Variants in EYS observed in about 807,000 individuals in gnomAD.
EYS encodes the protein EGF-like photoreceptor maintenance factor.
In EYS, 250 loss-of-function variants were observed where a neutral mutation model predicts 282.1. That is an observed-to-expected ratio of 0.89 (90% CI 0.80 to 0.98). The LOEUF (loss-of-function observed/expected upper bound fraction) is 0.98. Among genes scored for constraint, EYS ranks in the 50% least tolerant of loss-of-function variants. The probability of loss-of-function intolerance (pLI) is 0.00; values close to 1 mark genes in which losing one functional copy is unlikely to be tolerated. For missense variants in EYS, 4,016 were observed against 3,709.0 expected (o/e 1.08, Z -2.15); for synonymous variants, 1,355 against 1,282.9 (o/e 1.06, Z -1.20).
Position 63,864,342 on chromosome 6 carries a change from A to C in EYS, c.7072T>G (p.Phe2358Val), listed in dbSNP as rs994777812. Reference protein sequence around the residue: ...GTCISDNENLFCECPRLYSGK... With the variant: ...GTCISDNENLVCECPRLYSGK... ...GAATACAGCCTTGGACACTCACAAA[A>C]CAGATTTTCATTATCACTGAGAAGG... is the stretch of plus-strand genomic sequence containing the variant. Residue 2358 changes from phenylalanine (F) to valine (V), a missense_variant, in exon 36 of 43, where the codon TTT becomes GTT. Transcript: ENST00000503581. 4 of 1,549,702 alleles carry C rather than the reference A, an allele frequency of 2.6e-6. No homozygotes were observed. In the African/African-American group the frequency reaches 5.5e-5, roughly 21 times the overall value.
chr6:65,227,655 A>G (rs142338847), intron 12 of EYS, among the ~76,000 whole-genome samples: 1 of 152,276 alleles, frequency 6.6e-6, no homozygotes, highest in East Asian at 1.9e-4. Flanking sequence ...ATAATAGACA[A>G]AAGCTTAAAT....
At chr6:65,127,415 C>A (rs1487619314) in intron 12 of EYS, among the ~76,000 whole-genome samples, 1 of 152,060 alleles carries the variant, frequency 6.6e-6, no homozygotes, top group Non-Finnish European at 1.5e-5. Flanking sequence ...AAACAACTAG[C>A]CTGCAAAGCA....
chr6:65,060,124 A>C (rs1561945436), intron 12 of EYS, among the ~76,000 whole-genome samples: 1 of 151,906 alleles, frequency 6.6e-6, no homozygotes, highest in East Asian at 1.9e-4. Context: ...TCCACCCCTC[A>C]TCCGTATTTC....
At chr6:64,909,049 T>TA (rs1381412147) in intron 16 of EYS, among the ~76,000 whole-genome samples, 1 of 152,150 alleles carries the variant, frequency 6.6e-6, no homozygotes, top group Non-Finnish European at 1.5e-5. Flanking sequence ...CTCCTGTCAC[T>TA]ATCAAAAGCT....
intron 22 of EYS, among the ~76,000 whole-genome samples, chr6:64,651,014 C>G (rs1288113328): frequency 6.6e-6 from 1 of 151,916 alleles, no homozygotes; most frequent in Non-Finnish European, 1.5e-5. Context: ...TATGATTTAC[C>G]TATATTATGA....
At chr6:63,777,377 T>C (rs1770091626) in intron 40 of EYS, among the ~76,000 whole-genome samples, 1 of 152,160 alleles carries the variant, frequency 6.6e-6, no homozygotes, top group Non-Finnish European at 1.5e-5. Flanking sequence ...CAAATCTCTC[T>C]TTAGCTGTCT....
At chr6:65,597,992 C>T (rs562796390) in intron 2 of EYS, among the ~76,000 whole-genome samples, 2 of 151,990 alleles carry the variant, frequency 1.3e-5, no homozygotes, top group African/African-American at 2.4e-5. Context: ...CTCAGCTGCT[C>T]AGGAAGCTGA....
intron 11 of EYS, among the ~76,000 whole-genome samples, chr6:65,323,007 C>T (rs1769519578): frequency 6.6e-6 from 1 of 151,588 alleles, no homozygotes; most frequent in South Asian, 2.1e-4. Flanking sequence ...CCCTTTTTCC[C>T]TTATAATTTT....
intron 12 of EYS, among the ~76,000 whole-genome samples, chr6:65,250,174 T>C (rs1296529287): frequency 6.6e-6 from 1 of 152,070 alleles, no homozygotes; most frequent in Non-Finnish European, 1.5e-5. Flanking sequence ...GATGATACCA[T>C]AGTTGCTTTC....
At chr6:65,059,159 G>C (rs1041945174) in intron 12 of EYS, among the ~76,000 whole-genome samples, 1 of 151,856 alleles carries the variant, frequency 6.6e-6, no homozygotes, top group Non-Finnish European at 1.5e-5. Flanking sequence ...AAATATATTA[G>C]TTTTTTTAAT....
At chr6:64,479,643 C>T (rs1001811033) in intron 26 of EYS, among the ~76,000 whole-genome samples, 6 of 151,762 alleles carry the variant, frequency 4.0e-5, no homozygotes, top group Admixed American at 1.3e-4. Context: ...AGTACTATTC[C>T]TATATTTAGA....
intron 1 of EYS, among the ~76,000 whole-genome samples, chr6:65,686,004 T>C (rs1769000962): frequency 6.6e-6 from 1 of 151,998 alleles, no homozygotes; most frequent in Admixed American, 6.6e-5. Flanking sequence ...GGAAGTGCAT[T>C]GCGAGATTAT....
rs192993314 is a variant in EYS, at chr6:64,792,825, C to T, written c.3443+20553G>A. Among the ~76,000 whole-genome samples the T allele has an allele frequency of 2.1e-4, 23 of 109,078 alleles. No individual in the cohort carries two copies. The East Asian group carries it at 6.7e-3, about 32-fold the overall frequency. The allele number at this position is 109,078 out of a possible 152,430, so 71.6% of individuals were successfully genotyped here. The stretch of plus-strand genomic sequence containing the variant: ...TTTCGGTCTCTGACAATGTCAAAGT[C>T]ATAATTGTTTTAATTTCATACGATC... On this transcript the variant is annotated intron_variant, in intron 22 of 42. Transcript: ENST00000503581.
rs946676200 is a variant in EYS, at chr6:65,611,577, TATTG to T, written c.-333+28197_-333+28200del. Among the ~76,000 whole-genome samples, 38 of 152,216 alleles carry T rather than the reference TATTG, an allele frequency of 2.5e-4. 1 individual carries two copies. Among genetic ancestry groups the T allele is most frequent in the African/African-American group, 6.3e-4 (26 of 41,586 alleles). ...TAAAATTATTTTATTGTAAAAATTATATTGATTGATCAGAGACAGTTAAATATTA... is the reference window on the plus strand; with the variant it reads ...TAAAATTATTTTATTGTAAAAATTATATTGATCAGAGACAGTTAAATATTA... On this transcript the variant is annotated intron_variant, in intron 2 of 42. Coordinates refer to ENST00000503581, the MANE Select transcript of EYS (RefSeq NM_001142800.2).
intron 22 of EYS, among the ~76,000 whole-genome samples, chr6:64,750,289 T>C (rs1270966683): frequency 6.6e-6 from 1 of 152,042 alleles, no homozygotes; most frequent in Non-Finnish European, 1.5e-5. Flanking sequence ...TAGATTCTTC[T>C]ATTGGACATA....
At chr6:64,468,383 C>T (rs1037896367) in intron 26 of EYS, among the ~76,000 whole-genome samples, 2 of 152,150 alleles carry the variant, frequency 1.3e-5, no homozygotes, top group Non-Finnish European at 2.9e-5. Context: ...TTATGAACAC[C>T]AATCCAAACA....
chr6:65,448,953 T>C (rs1669159821), intron 5 of EYS, among the ~76,000 whole-genome samples: 1 of 152,102 alleles, frequency 6.6e-6, no homozygotes, highest in South Asian at 2.1e-4. Context: ...CAGCATGCCA[T>C]TCTAGTTAGA....
intron 26 of EYS, among the ~76,000 whole-genome samples, chr6:64,587,459 C>T (rs1464184015): frequency 2.6e-5 from 4 of 151,956 alleles, no homozygotes; most frequent in African/African-American, 7.2e-5. Context: ...CATTGTAGAA[C>T]ATTAGACTAT....
intron 29 of EYS, among the ~76,000 whole-genome samples, chr6:64,347,380 C>T (rs118038878): frequency 0.016 from 2,361 of 151,364 alleles, 20 homozygotes; most frequent in South Asian, 0.034. Context: ...GACTTCTTAG[C>T]TTATAGAAAT....
Sources: allele counts gnomAD v4.1 joint callset (sites outside exome capture counted in the v4.1 genomes callset), GRCh38; gene constraint gnomAD v4.1.1; transcripts MANE v1.5; gene names NCBI Gene and HGNC (gene_info 2026-07-23, HGNC 2026-07-21).